Variants in ACSF3 observed in about 807,000 individuals in gnomAD.
ACSF3 encodes the protein acyl-CoA synthetase family member 3, also known as malonate--CoA ligase ACSF3, mitochondrial.
Under a neutral mutation model 53.2 loss-of-function variants are expected in ACSF3, and 78 were observed. The observed-to-expected ratio is 1.47, with a 90% CI of 1.22 to 1.77. ACSF3 has a LOEUF of 1.77. ACSF3 is among the 40% of genes most tolerant of loss of function. ACSF3 has a pLI of 0.00. For synonymous variants in ACSF3, 414 were observed against 333.1 expected (o/e 1.24, Z -2.65); for missense variants, 937 against 771.1 (o/e 1.22, Z -2.55).
chr16:89,127,310 A>C (rs1908331813), intron 7 of ACSF3, among the ~76,000 whole-genome samples: 1 of 151,794 alleles, frequency 6.6e-6, no homozygotes. Context: ...TCTTTCAATG[A>C]TTGGTGGAAT....
At chr16:89,106,634 G>A (rs957501865) in intron 4 of ACSF3, among the ~76,000 whole-genome samples, 6 of 152,182 alleles carry the variant, frequency 3.9e-5, no homozygotes, top group Non-Finnish European at 8.8e-5. Flanking sequence ...TGGCTACAAA[G>A]GATTGCAACT....
chr16:89,146,662 G>C (rs1245160845), intron 10 of ACSF3, among the ~76,000 whole-genome samples: 1 of 152,208 alleles, frequency 6.6e-6, no homozygotes, highest in Admixed American at 6.5e-5. Context: ...TCCATGTCCA[G>C]GGCAGGGCCT....
At position 89,133,260 on chromosome 16, in the gene ACSF3, C is replaced by A; in HGVS notation, c.1364C>A (p.Thr455Lys). 2 of 1,614,030 alleles carry A rather than the reference C, an allele frequency of 1.2e-6. No homozygotes were observed. The highest frequency in any genetic ancestry group is 1.7e-6 in the Non-Finnish European group (2 of 1,179,918). The change falls in exon 8 of 11, where the codon ACA (threonine) becomes AAA (lysine). Residue 455 changes from threonine (T) to lysine (K), a missense_variant and splice_region_variant. Transcript: ENST00000614302. ...SAFTLDGWFKTGDTVVFKDGQ... is the reference protein window; with the variant it reads ...SAFTLDGWFKKGDTVVFKDGQ... ...TTCACCCTGGATGGCTGGTTTAAGA[C>A]AGGTAGGACCCAGCCCCATGGGAGT...
intron 7 of ACSF3, among the ~76,000 whole-genome samples, chr16:89,132,041 C>T (rs12918372): frequency 6.6e-6 from 1 of 151,830 alleles, no homozygotes; most frequent in Non-Finnish European, 1.5e-5. Flanking sequence ...TGGAGGAGCC[C>T]AGGCTGGCGG....
intron 7 of ACSF3, among the ~76,000 whole-genome samples, chr16:89,121,633 C>G (rs1567713361): frequency 6.6e-6 from 1 of 152,230 alleles, no homozygotes; most frequent in African/African-American, 2.4e-5. Context: ...TGATACCACA[C>G]ATGATTGACT....
chr16:89,104,492 A>G (rs1441105429), intron 4 of ACSF3, among the ~76,000 whole-genome samples: 2 of 152,190 alleles, frequency 1.3e-5, no homozygotes, highest in Non-Finnish European at 2.9e-5. Flanking sequence ...TTCTGGCCCC[A>G]TCGAAGGCTG....
intron 7 of ACSF3, chr16:89,122,565 C>G (rs1314047665): frequency 3.3e-6 from 1 of 298,804 alleles, no homozygotes; most frequent in South Asian, 2.7e-5. Context: ...CAGTTCCAAC[C>G]CTGTCTGCAG....
rs1913978669 is a variant in ACSF3, at chr16:89,150,961, A to G, written c.1614-3129A>G. 4 of 1,279,776 alleles carry G rather than the reference A, an allele frequency of 3.1e-6. No individual in the cohort carries two copies. The Admixed American group carries it at 9.3e-5, about 30-fold the overall frequency. 79.3% of individuals were successfully genotyped at this position (1,279,776 alleles called of 1,614,324 possible). A position where few individuals can be genotyped will look rare whatever the true frequency, so the allele number is the denominator to read the frequency against. On this transcript the variant is annotated intron_variant, in intron 10 of 10. Transcript: ENST00000614302. ...TTCCAACTGTCTAATGGGAGTTCCA[A>G]CAAGAAGATATCCAGGGAGGAAATT...
In ACSF3 at chr16:89,133,138, G is replaced by A. The variant is rs766713747; in HGVS notation, c.1242G>A (p.Val414=). 48 of 1,613,654 alleles carry A rather than the reference G, an allele frequency of 3.0e-5. No individual in the cohort carries two copies. The highest frequency in any genetic ancestry group is 1.7e-4 in the Middle Eastern group (1 of 5,866). The change falls in exon 8 of 11, where the codon GTG becomes GTA. Residue 414 remains valine, a splice_region_variant and synonymous_variant. Transcript: ENST00000614302. ...TCCATGTTCTTCATCCTCCACAGGTGACCCCAGGGTTTGAAGAAAAGGAGG... is the reference window on the plus strand; with the variant it reads ...TCCATGTTCTTCATCCTCCACAGGTAACCCCAGGGTTTGAAGAAAAGGAGG... ...HAEGDERGTK[V]TPGFEEKEGE... is the part of the protein sequence containing the mutation.
rs375814157 is a variant in ACSF3, at chr16:89,135,799, G to C, written c.1366+2537G>C. On this transcript the variant is annotated intron_variant, in intron 8 of 10. Transcript: ENST00000614302. The stretch of plus-strand genomic sequence containing the variant: ...TATTTAGTTAGTTATTTTTGAGACG[G>C]AGTCTCGCTCTGTCGCCCAGTCTGC... 4.6e-5 allele frequency among the ~76,000 whole-genome samples: 7 copies of C among 152,370 alleles called. No homozygotes were observed. The South Asian group carries it at 1.2e-3, about 27-fold the overall frequency.
chr16:89,124,021 GC>G (rs11330590), intron 7 of ACSF3, among the ~76,000 whole-genome samples: 107,247 of 151,522 alleles, frequency 0.71, 38,447 homozygotes, highest in Middle Eastern at 0.78. Flanking sequence ...TCACACGCAC[GC>G]AGTGTGCACA....
Position 89,101,432 on chromosome 16 carries a change from C to A in ACSF3, c.666+85C>A. 14 of 1,543,916 alleles carry A rather than the reference C, an allele frequency of 9.1e-6. No individual in the cohort carries two copies. In the South Asian group the frequency reaches 1.7e-4, roughly 19 times the overall value. On this transcript the variant is annotated intron_variant, in intron 3 of 10. Coordinates refer to ENST00000614302, the MANE Select transcript of ACSF3 (RefSeq NM_001243279.3). Reference sequence around the variant, plus strand: ...CGGGCCAGAAGCACATCTTTTCATTCGCTTTTCTGTGGAGTCATTCACAGT... The same window carrying A: ...CGGGCCAGAAGCACATCTTTTCATTAGCTTTTCTGTGGAGTCATTCACAGT...
chr16:89,127,427 C>T (rs905309648), intron 7 of ACSF3, among the ~76,000 whole-genome samples: 3 of 152,038 alleles, frequency 2.0e-5, no homozygotes, highest in African/African-American at 7.2e-5. Flanking sequence ...TGCAGTGGTG[C>T]AATCATAGCT....
chr16:89,137,450 G>A lies in ACSF3; in HGVS notation c.1366+4188G>A, dbSNP rs1910811583. Among the ~76,000 whole-genome samples, 3 of 138,668 alleles carry A rather than the reference G, an allele frequency of 2.2e-5. No homozygotes were observed. In the South Asian group the frequency reaches 7.5e-4, roughly 35 times the overall value. 91.0% of individuals were successfully genotyped at this position (138,668 alleles called of 152,430 possible). ...GAAGGATTGAGGGGAAGAGCCCCAGGTCTCGGGAGGACCACCAGGAGCTCA... is the reference window on the plus strand; with the variant it reads ...GAAGGATTGAGGGGAAGAGCCCCAGATCTCGGGAGGACCACCAGGAGCTCA... On this transcript the variant is annotated intron_variant, in intron 8 of 10. Coordinates refer to ENST00000614302, the MANE Select transcript of ACSF3 (RefSeq NM_001243279.3).
At chr16:89,104,383 G>A (rs948166452) in intron 4 of ACSF3, among the ~76,000 whole-genome samples, 1 of 152,306 alleles carries the variant, frequency 6.6e-6, no homozygotes. Context: ...CAGACGTCCC[G>A]GCCAGCAGAG....
rs760937192 is a variant in ACSF3, at chr16:89,154,495, C to T, written c.*288C>T. The T allele has an allele frequency of 4.7e-5, 27 of 576,068 alleles. No individual in the cohort carries two copies. Among genetic ancestry groups the T allele is most frequent in the South Asian group, 3.7e-4 (24 of 65,534 alleles). 35.7% of individuals were successfully genotyped at this position (576,068 alleles called of 1,614,324 possible). A position where few individuals can be genotyped will look rare whatever the true frequency, so the allele number is the denominator to read the frequency against. On this transcript the variant is annotated 3_prime_UTR_variant, in exon 11 of 11. Coordinates refer to ENST00000614302, the MANE Select transcript of ACSF3 (RefSeq NM_001243279.3). ...GCCCCTGGCCCCACGTGCTGAGGCACCTCCCGCCCCACAGTGCCCTGCAGT... is the reference window on the plus strand; with the variant it reads ...GCCCCTGGCCCCACGTGCTGAGGCATCTCCCGCCCCACAGTGCCCTGCAGT...
At chr16:89,100,527 C>G in intron 2 of ACSF3, 135 bp from the exon 3 acceptor site, 2 of 870,498 alleles carry the variant, frequency 2.3e-6, no homozygotes, top group African/African-American at 1.6e-5. Context: ...CGTGGCCTGT[C>G]TGGTGCGCTG....
intron 2 of ACSF3, 176 bp from the exon 3 acceptor site, chr16:89,100,486 C>T (rs1236342607): frequency 2.2e-5 from 14 of 637,724 alleles, no homozygotes; most frequent in Admixed American, 9.0e-5. Context: ...ACGTACGGAA[C>T]GTTCCAGCAG....
chr16:89,098,999 G>A (rs763409009), intron 2 of ACSF3, among the ~76,000 whole-genome samples: 6 of 152,288 alleles, frequency 3.9e-5, no homozygotes, highest in Non-Finnish European at 8.8e-5. Context: ...ACCGAGGGCC[G>A]CTGAGTGCCC....
Sources: gnomAD v4.1 joint callset for allele counts (sites outside exome capture counted in the v4.1 genomes callset) on GRCh38, gnomAD v4.1.1 for gene constraint, MANE v1.5 for transcripts, NCBI Gene and HGNC (gene_info 2026-07-23, HGNC 2026-07-21) for gene names.